STRN3: variants seen among roughly 807,000 people sequenced by gnomAD.
STRN3 encodes the protein striatin 3, also known as striatin-3.
Under a neutral mutation model 95.6 loss-of-function variants are expected in STRN3, and 29 were observed. That is an observed-to-expected ratio of 0.30 (90% CI 0.23 to 0.41). STRN3 has a LOEUF of 0.41. Among genes scored for constraint, STRN3 ranks in the 10% least tolerant of loss-of-function variants. The pLI, the probability that STRN3 is intolerant of heterozygous loss-of-function variation, is 1.00. For missense variants in STRN3, 890 were observed against 972.1 expected (o/e 0.92, Z 1.12); for synonymous variants, 331 against 357.6 (o/e 0.93, Z 0.84).
chr14:30,982,206 TA>T (rs1287218481), intron 1 of STRN3, among the ~76,000 whole-genome samples: 1 of 151,718 alleles, frequency 6.6e-6, no homozygotes, highest in Non-Finnish European at 1.5e-5. Context: ...TAATAGATCC[TA>T]AAATAAGGTT....
intron 8 of STRN3, among the ~76,000 whole-genome samples, chr14:30,921,098 ACACACACACTTC>A (rs1896872501): frequency 6.8e-6 from 1 of 147,306 alleles, no homozygotes; most frequent in Non-Finnish European, 1.5e-5. Context: ...ACACACACAC[ACACACACACTTC>A]CTTATCTTCT....
intron 1 of STRN3, among the ~76,000 whole-genome samples, chr14:31,002,427 C>T (rs1882504692): frequency 2.8e-5 from 4 of 145,338 alleles, no homozygotes; most frequent in South Asian, 2.2e-4. Flanking sequence ...GTCAAGATCG[C>T]GCCACTGCAC....
chr14:31,002,960 C>G (rs949561293), intron 1 of STRN3, among the ~76,000 whole-genome samples: 1 of 151,996 alleles, frequency 6.6e-6, no homozygotes, highest in Non-Finnish European at 1.5e-5. Context: ...CTGCAATAAA[C>G]CTTTGAAAAT....
intron 8 of STRN3, among the ~76,000 whole-genome samples, chr14:30,921,069 TATAC>T (rs369472073): frequency 0.023 from 2,814 of 119,850 alleles, 37 homozygotes; most frequent in East Asian, 0.053. Context: ...TACACATACA[TATAC>T]ACACACACAC....
chr14:30,980,690 C>T (rs997488317), intron 1 of STRN3, among the ~76,000 whole-genome samples: 3 of 152,080 alleles, frequency 2.0e-5, no homozygotes, highest in Non-Finnish European at 2.9e-5. Context: ...CGTGACCCAC[C>T]GCACCCGGCC....
chr14:30,981,606 A>ACACC (rs1491272307), intron 1 of STRN3, among the ~76,000 whole-genome samples: 36 of 148,600 alleles, frequency 2.4e-4, no homozygotes, highest in African/African-American at 6.1e-4. Flanking sequence ...ACACACACAC[A>ACACC]CCCCATAATT....
chr14:31,026,156 G>T lies in STRN3; in HGVS notation c.30C>A (p.Gly10=). ...GGGGAGGGGCCGCCATCCCCGGGCC[G>T]CCACCACCGCCTCCGGCAAGCTCGT... The part of the protein sequence containing the change: MDELAGGGG[G]GPGMAAPPRQ... Residue 10 remains glycine, a synonymous_variant, in exon 1 of 18, where the codon GGC becomes GGA. Coordinates refer to ENST00000357479, the MANE Select transcript of STRN3 (RefSeq NM_001083893.2). 2 of 1,486,818 alleles carry T rather than the reference G, an allele frequency of 1.3e-6. No individual in the cohort carries two copies. The highest frequency in any genetic ancestry group is 8.9e-7 in the Non-Finnish European group (1 of 1,125,720). 92.1% of individuals were successfully genotyped at this position (1,486,818 alleles called of 1,614,324 possible). A position where few individuals can be genotyped will look rare whatever the true frequency, so the allele number is the denominator to read the frequency against.
At chr14:30,997,622 C>T (rs1366526576) in intron 1 of STRN3, among the ~76,000 whole-genome samples, 1 of 152,204 alleles carries the variant, frequency 6.6e-6, no homozygotes, top group Admixed American at 6.5e-5. Flanking sequence ...GTTGTGCCTC[C>T]TGTCTATAAA....
chr14:30,960,377 A>C (rs1487332610), intron 1 of STRN3, among the ~76,000 whole-genome samples: 1 of 152,178 alleles, frequency 6.6e-6, no homozygotes, highest in African/African-American at 2.4e-5. Flanking sequence ...CTAAACAATA[A>C]GATATAACAC....
chr14:31,009,440 C>T (rs1293129110), intron 1 of STRN3, among the ~76,000 whole-genome samples: 4 of 152,078 alleles, frequency 2.6e-5, no homozygotes, highest in African/African-American at 9.7e-5. Context: ...GTCTCCAGAC[C>T]TTGCCAAATA....
chr14:30,966,507 C>T (rs1221768299), intron 1 of STRN3, among the ~76,000 whole-genome samples: 2 of 152,106 alleles, frequency 1.3e-5, no homozygotes, highest in South Asian at 2.1e-4. Context: ...GAAATCAAGA[C>T]CTACCCAGTG....
At chr14:30,999,666 C>G (rs1882357992) in intron 1 of STRN3, among the ~76,000 whole-genome samples, 1 of 152,076 alleles carries the variant, frequency 6.6e-6, no homozygotes, top group African/African-American at 2.4e-5. Flanking sequence ...TGAACAGAGC[C>G]TCAGAAACCT....
At chr14:31,015,670 C>G (rs931913784) in intron 1 of STRN3, among the ~76,000 whole-genome samples, 13 of 152,154 alleles carry the variant, frequency 8.5e-5, no homozygotes, top group African/African-American at 1.2e-4. Context: ...ACCGTGCCCC[C>G]AGCCAACACC....
chr14:30,941,040 CT>C (rs2139091519), intron 5 of STRN3, among the ~76,000 whole-genome samples: 1 of 152,244 alleles, frequency 6.6e-6, no homozygotes, highest in East Asian at 1.9e-4. Context: ...AGGAGCCTGC[CT>C]TTTCCACCAT....
At chr14:30,936,699 A>C in intron 5 of STRN3, 75 bp from the exon 6 acceptor site, 1 of 1,517,904 alleles carries the variant, frequency 6.6e-7, no homozygotes, top group Middle Eastern at 1.8e-4. Flanking sequence ...TTCCCATTTT[A>C]AATCAATTCT....
chr14:31,024,427 A>G (rs1883679729), intron 1 of STRN3, among the ~76,000 whole-genome samples: 1 of 152,238 alleles, frequency 6.6e-6, no homozygotes, highest in Admixed American at 6.5e-5. Context: ...AGCAGACTGT[A>G]CACAACTTAA....
At position 31,012,047 on chromosome 14, in the gene STRN3, G is replaced by A. The variant is rs150629244; in HGVS notation, c.282+13857C>T. ...CAGTGAGCCGAGATCGCGCAACTGC[G>A]CTCCAGCATGGGCGACGGAGCGAGA... On this transcript the variant is annotated intron_variant, in intron 1 of 17. Coordinates refer to ENST00000357479, the MANE Select transcript of STRN3 (RefSeq NM_001083893.2). Among the ~76,000 whole-genome samples the A allele has an allele frequency of 2.0e-3, 306 of 151,892 alleles. 1 individual carries two copies. Among genetic ancestry groups the A allele is most frequent in the South Asian group, 3.7e-3 (18 of 4,812 alleles).
chr14:30,902,510 A>G, intron 16 of STRN3, 26 bp downstream of exon 16: 3 of 1,430,444 alleles, frequency 2.1e-6, no homozygotes, highest in Non-Finnish European at 1.9e-6. Context: ...AGTATTACTA[A>G]TATGAAAAGA....
At chr14:30,910,960 A>G in intron 13 of STRN3, 81 bp downstream of exon 13, 1 of 1,489,350 alleles carries the variant, frequency 6.7e-7, no homozygotes, top group Non-Finnish European at 9.1e-7. Context: ...AGGTTTAAAT[A>G]ACCTTGTAAT....
Sources: allele counts gnomAD v4.1 joint callset (sites outside exome capture counted in the v4.1 genomes callset), GRCh38; gene constraint gnomAD v4.1.1; transcripts MANE v1.5; gene names NCBI Gene and HGNC (gene_info 2026-07-23, HGNC 2026-07-21).